Variants in TMEM74 observed in about 807,000 individuals in gnomAD.
TMEM74 encodes transmembrane protein 74.
A neutral mutation model predicts 18.1 loss-of-function variants in TMEM74; 13 were observed. That is an observed-to-expected ratio of 0.72 (90% CI 0.47 to 1.14). TMEM74 has a LOEUF of 1.14. Ranked by LOEUF, TMEM74 falls within the 50% of genes most tolerant of loss-of-function variation. The pLI is 0.00. For missense variants in TMEM74, 372 were observed against 375.9 expected, an observed-to-expected ratio of 0.99 and a Z score of 0.09; for synonymous variants, 159 against 146.6, an observed-to-expected ratio of 1.08 and a Z score of -0.61.
intron 1 of TMEM74, among the ~76,000 whole-genome samples, chr8:108,754,639 ATAGGTAGG>A (rs71564017): frequency 6.8e-5 from 10 of 147,742 alleles, no homozygotes; most frequent in South Asian, 2.1e-4. Context: ...AATAGGATGG[ATAGGTAGG>A]TAGGTAGGTA....
At chr8:108,746,783 T>C (rs1436969838) in intron 1 of TMEM74, among the ~76,000 whole-genome samples, 1 of 152,072 alleles carries the variant, frequency 6.6e-6, no homozygotes, top group African/African-American at 2.4e-5. Flanking sequence ...TTTAATCAAT[T>C]GTGCCTTCAC....
intron 1 of TMEM74, among the ~76,000 whole-genome samples, chr8:108,744,508 G>A (rs1262725077): frequency 6.6e-6 from 1 of 152,078 alleles, no homozygotes; most frequent in Admixed American, 6.6e-5. Flanking sequence ...CAGGTAGGGT[G>A]GTAAAGTGAA....
chr8:108,708,088 C>T (rs941759052), intron 1 of TMEM74, among the ~76,000 whole-genome samples: 1 of 152,072 alleles, frequency 6.6e-6, no homozygotes, highest in Admixed American at 6.6e-5. Context: ...CATGAGTACC[C>T]AATGTTTAGC....
intron 2 of TMEM74, among the ~76,000 whole-genome samples, chr8:108,655,102 A>C (rs1369688697): frequency 6.6e-6 from 1 of 152,100 alleles, no homozygotes; most frequent in Non-Finnish European, 1.5e-5. Context: ...CCTTATATTC[A>C]TAAGTAAATC....
chr8:108,623,753 A>G (rs1232489101), intron 2 of TMEM74, among the ~76,000 whole-genome samples: 1 of 152,034 alleles, frequency 6.6e-6, no homozygotes, highest in Non-Finnish European at 1.5e-5. Context: ...GTGGTTCTCA[A>G]AGAGCCAGAA....
intron 1 of TMEM74, among the ~76,000 whole-genome samples, chr8:108,697,861 T>C (rs1406236940): frequency 6.6e-6 from 1 of 152,164 alleles, no homozygotes; most frequent in Non-Finnish European, 1.5e-5. Context: ...TTACCCGTAG[T>C]CTCTTCTTAT....
chr8:108,684,501 A>T (rs1010426746), intron 1 of TMEM74, among the ~76,000 whole-genome samples: 2 of 151,796 alleles, frequency 1.3e-5, no homozygotes, highest in African/African-American at 4.8e-5. Flanking sequence ...CTGTCAGATA[A>T]GTAGTTTACT....
At chr8:108,720,269 A>G (rs1014878234) in intron 1 of TMEM74, among the ~76,000 whole-genome samples, 1 of 152,200 alleles carries the variant, frequency 6.6e-6, no homozygotes, top group Non-Finnish European at 1.5e-5. Flanking sequence ...ATTTTTAAAA[A>G]TCCTCCTAGC....
intron 1 of TMEM74, among the ~76,000 whole-genome samples, chr8:108,657,845 AAAAAAAAAAAAAAAAT>A (rs1464884575): frequency 4.2e-5 from 1 of 23,626 alleles, no homozygotes; most frequent in African/African-American, 1.5e-4. Flanking sequence ...ACCGTCTCAA[AAAAAAAAAAAAAAAAT>A]ATATATATAT....
intron 1 of TMEM74, among the ~76,000 whole-genome samples, chr8:108,716,670 C>A (rs907528026): frequency 6.6e-6 from 1 of 150,890 alleles, no homozygotes; most frequent in African/African-American, 2.4e-5. Flanking sequence ...AAAAAGCATG[C>A]AGGAGAAAAT....
chr8:108,778,445 A>G (rs1329915265), downstream of TMEM74, among the ~76,000 whole-genome samples: 1 of 152,224 alleles, frequency 6.6e-6, no homozygotes, highest in Non-Finnish European at 1.5e-5. Context: ...TAACAGCATC[A>G]CTTAGCTTAT....
chr8:108,684,910 C>A lies in TMEM74; in HGVS notation n.120-29473G>T, dbSNP rs558771897. The stretch of plus-strand genomic sequence containing the variant: ...TTCTTTTTGCTCAAGATTGCTTTGT[C>A]TATTCAGGGTCTTTTATGGTTTCAT... On this transcript the variant is annotated intron_variant and non_coding_transcript_variant, in intron 1 of 3. Transcript: ENST00000518838. Among the ~76,000 whole-genome samples the A allele has an allele frequency of 2.6e-5, 4 of 151,870 alleles. No homozygotes were observed. In the East Asian group the frequency reaches 7.7e-4, roughly 29 times the overall value.
chr8:108,787,217 G>C (rs185186953), intron 1 of TMEM74, among the ~76,000 whole-genome samples: 2 of 152,140 alleles, frequency 1.3e-5, no homozygotes, highest in African/African-American at 4.8e-5. Flanking sequence ...GGCGACCTCT[G>C]GATGCGCCCT....
rs1334992435 is a variant in TMEM74 at position 108,781,473 on chromosome 8, G to T, written c.*2708C>A. ...GTAATCTTCATATTGAATTCAGGCA[G>T]GATGGATAAGGGCTACATAAACCAA... On this transcript the variant is annotated 3_prime_UTR_variant, in exon 2 of 2. Transcript: ENST00000297459. Among the ~76,000 whole-genome samples the T allele has an allele frequency of 6.6e-6, 1 of 152,148 alleles. No homozygotes were observed. The highest frequency in any genetic ancestry group is 1.5e-5 in the Non-Finnish European group (1 of 68,030).
intron 1 of TMEM74, among the ~76,000 whole-genome samples, chr8:108,686,966 T>A (rs1232752013): frequency 6.6e-6 from 1 of 152,174 alleles, no homozygotes; most frequent in African/African-American, 2.4e-5. Context: ...AAATACAAGT[T>A]TAAAATTGTA....
Position 108,657,859 on chromosome 8 carries a change from AATATATAT to A in TMEM74, n.120-2430_120-2423del, listed in dbSNP as rs1175396487. Among the ~76,000 whole-genome samples, 78 of 49,858 alleles carry A rather than the reference AATATATAT, an allele frequency of 1.6e-3. 2 individuals are homozygous for A. The highest frequency in any genetic ancestry group is 2.5e-3 in the South Asian group (3 of 1,180). 32.7% of individuals were successfully genotyped at this position (49,858 alleles called of 152,430 possible). ...CACCGTCTCAAAAAAAAAAAAAAAA[AATATATAT>A]ATATATATATATATATATATATATA... is the stretch of plus-strand genomic sequence containing the variant. On this transcript the variant is annotated intron_variant and non_coding_transcript_variant, in intron 1 of 3. Transcript: ENST00000518838.
chr8:108,706,658 T>G (rs1813413990), intron 1 of TMEM74, among the ~76,000 whole-genome samples: 1 of 152,178 alleles, frequency 6.6e-6, no homozygotes, highest in Non-Finnish European at 1.5e-5. Flanking sequence ...TTACATTCCA[T>G]TATTCATAAG....
chr8:108,673,270 C>G (rs1262212224), intron 1 of TMEM74, among the ~76,000 whole-genome samples: 1 of 152,182 alleles, frequency 6.6e-6, no homozygotes, highest in Non-Finnish European at 1.5e-5. Flanking sequence ...TAAGATTCTT[C>G]TGTGGTAGTC....
intron 1 of TMEM74, among the ~76,000 whole-genome samples, chr8:108,694,826 G>A (rs1309941672): frequency 4.6e-5 from 7 of 152,234 alleles, no homozygotes; most frequent in Non-Finnish European, 1.0e-4. Flanking sequence ...GCTGGGACAT[G>A]ATGCCCACAG....
Sources: gnomAD v4.1 joint callset for allele counts (sites outside exome capture counted in the v4.1 genomes callset) on GRCh38, gnomAD v4.1.1 for gene constraint, MANE v1.5 for transcripts, NCBI Gene and HGNC (gene_info 2026-07-23, HGNC 2026-07-21) for gene names.